The following DCUN1D1 variants were observed in gnomAD, a reference collection of about 807,000 sequenced individuals.
DCUN1D1 encodes the protein DCN1-like protein 1.
DCUN1D1 carries 3 observed loss-of-function variants against 39.0 expected under a neutral mutation model. The ratio of observed to expected loss-of-function variants is 0.08; its 90% CI spans 0.04 to 0.20. DCUN1D1 has a LOEUF of 0.20. Ranked by LOEUF, DCUN1D1 falls within the 10% of genes least tolerant of loss-of-function variation. DCUN1D1 has a pLI of 1.00. For missense variants in DCUN1D1, 158 were observed against 302.4 expected (o/e 0.52, Z 3.54); for synonymous variants, 82 against 96.3 (o/e 0.85, Z 0.87).
At chr3:182,948,929 T>C (rs1577159920) in intron 4 of DCUN1D1, among the ~76,000 whole-genome samples, 2 of 149,844 alleles carry the variant, frequency 1.3e-5, no homozygotes, top group African/African-American at 2.5e-5. Flanking sequence ...GCACCTGTAA[T>C]CCCAGCTACT....
intron 4 of DCUN1D1, 120 bp from the exon 5 acceptor site, chr3:182,947,752 C>T: frequency 1.6e-6 from 1 of 606,238 alleles, no homozygotes; most frequent in Admixed American, 3.6e-5. Flanking sequence ...AAACTTGTAT[C>T]CTGAATACTT....
intron 1 of DCUN1D1, among the ~76,000 whole-genome samples, chr3:182,977,182 A>G (rs576095722): frequency 1.3e-5 from 2 of 152,338 alleles, no homozygotes; most frequent in South Asian, 2.1e-4. Flanking sequence ...ATGGTAGACC[A>G]GGAGAAAATA....
chr3:182,947,550 C>G lies in DCUN1D1; in HGVS notation c.603G>C (p.Leu201Phe). ...KFLDLWNKFL[L>F]EHHKRSIPKD... Reference sequence around the variant, plus strand: ...AGAAATGTAGAAAATGTGAACTTACCAACAAAAATTTATTCCATAAGTCTA... The same window carrying G: ...AGAAATGTAGAAAATGTGAACTTACGAACAAAAATTTATTCCATAAGTCTA... The change falls in exon 5 of 7, where the codon TTG becomes TTC. Residue 201 changes from leucine to phenylalanine, a missense_variant and splice_region_variant. Leu to Phe is a conservative substitution (Grantham distance 22). Transcript: ENST00000292782. The G allele has an allele frequency of 1.3e-6, 2 of 1,538,030 alleles. No homozygotes were observed. Among genetic ancestry groups the G allele is most frequent in the Non-Finnish European group, 1.8e-6 (2 of 1,121,530 alleles).
At chr3:182,963,286 G>A (rs13093344) in intron 3 of DCUN1D1, among the ~76,000 whole-genome samples, 6 of 152,176 alleles carry the variant, frequency 3.9e-5, no homozygotes, top group Admixed American at 2.6e-4. Flanking sequence ...ATAAAATAAT[G>A]TTCAATAAAT....
intron 1 of DCUN1D1, among the ~76,000 whole-genome samples, chr3:182,977,326 G>C (rs966467930): frequency 6.6e-6 from 1 of 152,154 alleles, no homozygotes; most frequent in African/African-American, 2.4e-5. Context: ...AAAATTCTAT[G>C]ATGCTATGAG....
chr3:182,973,397 C>T (rs992781173), intron 1 of DCUN1D1, among the ~76,000 whole-genome samples: 1 of 152,166 alleles, frequency 6.6e-6, no homozygotes, highest in South Asian at 2.1e-4. Flanking sequence ...TAACTGAAAT[C>T]GAGCAAAGTG....
intron 4 of DCUN1D1, among the ~76,000 whole-genome samples, chr3:182,954,679 T>C (rs1726937201): frequency 6.6e-6 from 1 of 152,216 alleles, no homozygotes. Context: ...ATACACTTGT[T>C]AAACATTAGT....
At chr3:182,951,987 C>A (rs576969536) in intron 4 of DCUN1D1, among the ~76,000 whole-genome samples, 112 of 152,248 alleles carry the variant, frequency 7.4e-4, no homozygotes, top group Non-Finnish European at 1.3e-3. Flanking sequence ...TGAGCCACCA[C>A]GCACGTCCAA....
In DCUN1D1 at chr3:182,959,520, A is replaced by AC. The variant is rs1444038567; in HGVS notation, c.520+1705_520+1706insG. On this transcript the variant is annotated intron_variant, in intron 4 of 6. Coordinates refer to ENST00000292782, the MANE Select transcript of DCUN1D1 (RefSeq NM_020640.4). ...AAAAACCAAAAAAAAAAAAAAAAAA[A>AC]AAAAAACCTCATTTACCTTCACTGG... 8.3e-4 allele frequency among the ~76,000 whole-genome samples: 126 copies of AC among 151,304 alleles called. 1 individual carries two copies. The highest frequency in any genetic ancestry group is 2.7e-3 in the African/African-American group (112 of 41,342).
chr3:182,964,018 A>C lies in DCUN1D1; in HGVS notation c.252T>G (p.Asp84Glu). 6.2e-7 allele frequency: 1 copy of C among 1,613,186 alleles called. No homozygotes were observed. Among genetic ancestry groups the C allele is most frequent in the East Asian group, 2.2e-5 (1 of 44,872 alleles). The change falls in exon 3 of 7, where the codon GAT (aspartate) becomes GAG (glutamate). Residue 84 changes from aspartate to glutamate, a missense_variant. By Grantham distance (45) the Asp-to-Glu change is conservative. Coordinates refer to ENST00000292782, the MANE Select transcript of DCUN1D1 (RefSeq NM_020640.4). ...DPQDENKIGI[D>E]GIQQFCDDLA... ...GGTCATCACAGAACTGCTGTATGCCATCTATTCCAATTTTATTCTCATCTT... is the reference window on the plus strand; with the variant it reads ...GGTCATCACAGAACTGCTGTATGCCCTCTATTCCAATTTTATTCTCATCTT...
At chr3:182,950,204 G>A (rs1164889449) in intron 4 of DCUN1D1, among the ~76,000 whole-genome samples, 3 of 151,698 alleles carry the variant, frequency 2.0e-5, no homozygotes, top group African/African-American at 7.3e-5. Flanking sequence ...CTGGAGTGCT[G>A]TGGTGCAATC....
At position 182,941,038 on chromosome 3, in the gene DCUN1D1, A is replaced by G. The variant is rs750849315; in HGVS notation, c.*4056T>C. The G allele has an allele frequency of 6.6e-5, 10 of 152,188 alleles. No homozygotes were observed. The highest frequency in any genetic ancestry group is 1.2e-4 in the Non-Finnish European group (8 of 68,014). The allele number at this position is 152,188 out of a possible 1,614,324, so 9.4% of individuals were successfully genotyped here. On this transcript the variant is annotated 3_prime_UTR_variant, in exon 7 of 7. Transcript: ENST00000292782. Reference sequence around the variant, plus strand: ...CAAAGGAAAATAAAAAAACACATTAATAGGAAACACTGAACCTAGTCAAAT... The same window carrying G: ...CAAAGGAAAATAAAAAAACACATTAGTAGGAAACACTGAACCTAGTCAAAT...
At chr3:182,980,403 C>T in intron 1 of DCUN1D1, 84 bp downstream of exon 1, 2 of 977,544 alleles carry the variant, frequency 2.0e-6, no homozygotes, top group Non-Finnish European at 2.4e-6. Context: ...AGGGTCGCCG[C>T]GGGACGGAGG....
Position 182,963,979 on chromosome 3 carries a change from T to C in DCUN1D1, c.291A>G (p.Pro97=). ...CAATAATCAACACACTAATGCTGGC[T>C]GGATCGAGTGCCAGGTCATCACAGA... ...QQFCDDLALD[P]ASISVLIIAW... The change falls in exon 3 of 7, where the codon CCA becomes CCG. Residue 97 remains proline, a synonymous_variant. Coordinates refer to ENST00000292782, the MANE Select transcript of DCUN1D1 (RefSeq NM_020640.4). The C allele has an allele frequency of 1.2e-6, 2 of 1,614,140 alleles. No homozygotes were observed. The highest frequency in any genetic ancestry group is 1.7e-6 in the Non-Finnish European group (2 of 1,179,966).
intron 1 of DCUN1D1, 37 bp downstream of exon 1, chr3:182,980,450 C>A: frequency 1.8e-6 from 2 of 1,112,766 alleles, no homozygotes; most frequent in Non-Finnish European, 1.1e-6. Context: ...CGCCGGCCCC[C>A]AGCCGGCAGG....
intron 4 of DCUN1D1, among the ~76,000 whole-genome samples, chr3:182,950,492 G>T (rs1202611182): frequency 1.3e-5 from 2 of 150,750 alleles, no homozygotes; most frequent in African/African-American, 2.4e-5. Flanking sequence ...CTTTTTTTTT[G>T]ACCAATCAAA....
intron 4 of DCUN1D1, among the ~76,000 whole-genome samples, chr3:182,960,504 T>TACC (rs1419488280): frequency 6.6e-6 from 1 of 152,184 alleles, no homozygotes; most frequent in African/African-American, 2.4e-5. Flanking sequence ...TTCAGCCAAA[T>TACC]ACCAAATCCT....
chr3:182,965,801 G>C, intron 1 of DCUN1D1, 48 bp from the exon 2 acceptor site: 1 of 1,287,174 alleles, frequency 7.8e-7, no homozygotes, highest in Non-Finnish European at 1.1e-6. Context: ...AATCACATAA[G>C]ACTAAATATT....
In DCUN1D1 at chr3:182,967,155, TA is replaced by T. The variant is rs1727713704; in HGVS notation, c.4-1403del. Among the ~76,000 whole-genome samples the T allele has an allele frequency of 4.4e-5, 5 of 114,864 alleles. No individual in the cohort carries two copies. The South Asian group carries it at 1.1e-3, about 25-fold the overall frequency. 75.4% of individuals were successfully genotyped at this position (114,864 alleles called of 152,430 possible). On this transcript the variant is annotated intron_variant, in intron 1 of 6. Coordinates refer to ENST00000292782, the MANE Select transcript of DCUN1D1 (RefSeq NM_020640.4). ...ATATATATATATATATATATATATA[TA>T]TATTTTCTGTGGTTTAAGCAACACA...
Sources: gnomAD v4.1 joint callset for allele counts (sites outside exome capture counted in the v4.1 genomes callset) on GRCh38, gnomAD v4.1.1 for gene constraint, MANE v1.5 for transcripts, NCBI Gene and HGNC (gene_info 2026-07-23, HGNC 2026-07-21) for gene names.